SDK1: variants seen among roughly 807,000 people sequenced by gnomAD.
The protein encoded by SDK1 is protein sidekick-1.
In SDK1, 157 loss-of-function variants were observed where a neutral mutation model predicts 245.5. The ratio of observed to expected loss-of-function variants is 0.64; its 90% confidence interval spans 0.56 to 0.73. SDK1 has a LOEUF of 0.73. Ranked by LOEUF, SDK1 falls within the 30% of genes least tolerant of loss-of-function variation. SDK1 has a pLI of 0.00. For synonymous variants in SDK1, 1,647 were observed against 1,278.5 expected (o/e 1.29, Z -6.15); for missense variants, 3,583 against 3,002.3 (o/e 1.19, Z -4.52).
chr7:3,569,889 C>T (rs998807668), intron 1 of SDK1, among the ~76,000 whole-genome samples: 1 of 152,162 alleles, frequency 6.6e-6, no homozygotes. Context: ...TTAATGTGTC[C>T]ACTTGGTGCA....
chr7:3,724,566 T>G (rs1353442151), intron 4 of SDK1, among the ~76,000 whole-genome samples: 1 of 152,206 alleles, frequency 6.6e-6, no homozygotes, highest in Non-Finnish European at 1.5e-5. Flanking sequence ...AATATTGAAC[T>G]GTACTAGGTC....
At chr7:3,434,210 A>G (rs1779952188) in intron 1 of SDK1, among the ~76,000 whole-genome samples, 1 of 152,158 alleles carries the variant, frequency 6.6e-6, no homozygotes, top group African/African-American at 2.4e-5. Flanking sequence ...CTACCAGGCC[A>G]AAGAGTCAGC....
At chr7:4,124,902 G>A (rs1467325608) in intron 25 of SDK1, among the ~76,000 whole-genome samples, 2 of 151,376 alleles carry the variant, frequency 1.3e-5, no homozygotes, top group Non-Finnish European at 2.9e-5. Flanking sequence ...GTGGATGGAT[G>A]GATGGATGGA....
intron 5 of SDK1, among the ~76,000 whole-genome samples, chr7:3,942,069 G>C (rs1420569779): frequency 6.6e-6 from 1 of 152,112 alleles, no homozygotes; most frequent in Non-Finnish European, 1.5e-5. Flanking sequence ...ACCATGCCCA[G>C]CTAATTTTTT....
rs1783066035 is a variant in SDK1, at chr7:3,524,813, A to G, written c.299-94267A>G. 1.3e-5 allele frequency among the ~76,000 whole-genome samples: 2 copies of G among 152,184 alleles called. 1 individual carries two copies. The highest frequency in any genetic ancestry group is 2.9e-5 in the Non-Finnish European group (2 of 68,030). On this transcript the variant is annotated intron_variant, in intron 1 of 44. Coordinates refer to ENST00000404826, the MANE Select transcript of SDK1 (RefSeq NM_152744.4). ...TACTCTGTAGAGGTCCAGATTAGAAAAAAAATTGGAGGGTCATCAATCTAA... is the reference window on the plus strand; with the variant it reads ...TACTCTGTAGAGGTCCAGATTAGAAGAAAAATTGGAGGGTCATCAATCTAA...
At chr7:3,525,045 AT>A (rs778498116) in intron 1 of SDK1, among the ~76,000 whole-genome samples, 19 of 152,224 alleles carry the variant, frequency 1.2e-4, no homozygotes, top group African/African-American at 2.2e-4. Context: ...AAGTAAAAAA[AT>A]ATAACTATTT....
chr7:3,329,910 G>C (rs1166424983), intron 1 of SDK1, among the ~76,000 whole-genome samples: 1 of 152,172 alleles, frequency 6.6e-6, no homozygotes, highest in Non-Finnish European at 1.5e-5. Flanking sequence ...GAGAGGGTGT[G>C]CATAGCTTAT....
chr7:3,723,055 G>C (rs1475391141), intron 4 of SDK1, among the ~76,000 whole-genome samples: 1 of 152,240 alleles, frequency 6.6e-6, no homozygotes, highest in Non-Finnish European at 1.5e-5. Flanking sequence ...GTGAAGTTAA[G>C]TAACTTTCAT....
intron 5 of SDK1, among the ~76,000 whole-genome samples, chr7:3,825,602 G>T (rs987965947): frequency 1.3e-5 from 2 of 152,112 alleles, no homozygotes; most frequent in African/African-American, 4.8e-5. Context: ...TCCTCCTTCA[G>T]GCTGACAAAC....
At chr7:3,563,887 A>C (rs940044865) in intron 1 of SDK1, among the ~76,000 whole-genome samples, 3 of 152,160 alleles carry the variant, frequency 2.0e-5, no homozygotes, top group African/African-American at 4.8e-5. Context: ...ATTACTAATA[A>C]AATGATAGTC....
intron 4 of SDK1, among the ~76,000 whole-genome samples, chr7:3,748,905 G>A (rs111353672): frequency 1.7e-4 from 26 of 151,666 alleles, no homozygotes; most frequent in Non-Finnish European, 3.1e-4. Flanking sequence ...ACAATTTTTT[G>A]TTGTTGTTCT....
intron 17 of SDK1, among the ~76,000 whole-genome samples, chr7:4,030,276 A>G (rs535745647): frequency 6.6e-6 from 1 of 152,368 alleles, no homozygotes; most frequent in East Asian, 1.9e-4. Context: ...TCTTTGTGAC[A>G]TTCAAATAGT....
intron 1 of SDK1, among the ~76,000 whole-genome samples, chr7:3,539,338 A>G (rs1402913907): frequency 1.3e-5 from 2 of 152,200 alleles, no homozygotes; most frequent in Admixed American, 1.3e-4. Context: ...TCACAACTAG[A>G]TAGATAGGTA....
chr7:3,586,035 T>A (rs1223080785), intron 1 of SDK1, among the ~76,000 whole-genome samples: 3 of 152,132 alleles, frequency 2.0e-5, no homozygotes, highest in Non-Finnish European at 4.4e-5. Flanking sequence ...GAGAGCTACA[T>A]TGCTGTGCTA....
chr7:3,832,051 TTAAAA>T (rs1779925604), intron 5 of SDK1, among the ~76,000 whole-genome samples: 1 of 152,214 alleles, frequency 6.6e-6, no homozygotes, highest in African/African-American at 2.4e-5. Flanking sequence ...ACCCTGTCTC[TTAAAA>T]TAATAATATA....
At chr7:4,241,264 T>C (rs1007426259) in intron 42 of SDK1, among the ~76,000 whole-genome samples, 5 of 152,220 alleles carry the variant, frequency 3.3e-5, no homozygotes, top group African/African-American at 1.2e-4. Flanking sequence ...TTATCTTTAC[T>C]TCCTGTTTTG....
At chr7:3,996,303 G>T (rs992184721) in intron 14 of SDK1, among the ~76,000 whole-genome samples, 1 of 152,104 alleles carries the variant, frequency 6.6e-6, no homozygotes, top group East Asian at 1.9e-4. Flanking sequence ...CTTCCAAAAG[G>T]TGTTTTAATA....
chr7:4,183,485 A>C (rs1199697777), intron 35 of SDK1, among the ~76,000 whole-genome samples: 2 of 151,932 alleles, frequency 1.3e-5, no homozygotes, highest in African/African-American at 4.8e-5. Flanking sequence ...AATACAAAAA[A>C]TTAGCTGGGC....
intron 17 of SDK1, among the ~76,000 whole-genome samples, chr7:4,022,253 C>A (rs1218673707): frequency 1.3e-5 from 2 of 152,212 alleles, no homozygotes; most frequent in Non-Finnish European, 2.9e-5. Flanking sequence ...AGAGAGCATG[C>A]AGAAGGCAGG....
Sources: gnomAD v4.1 joint callset for allele counts (sites outside exome capture counted in the v4.1 genomes callset) on GRCh38, gnomAD v4.1.1 for gene constraint, MANE v1.5 for transcripts, NCBI Gene and HGNC (gene_info 2026-07-23, HGNC 2026-07-21) for gene names.